PRKRA: variants seen among roughly 807,000 people sequenced by gnomAD.
PRKRA encodes the protein interferon-inducible double-stranded RNA-dependent protein kinase activator A.
In PRKRA, 22 loss-of-function variants were observed where a neutral mutation model predicts 32.4. That is an observed-to-expected ratio of 0.68 (90% CI 0.49 to 0.97). The LOEUF is 0.97. Ranked by LOEUF, PRKRA falls within the 50% of genes least tolerant of loss-of-function variation. PRKRA has a pLI of 0.00. For synonymous variants in PRKRA, 139 were observed against 129.8 expected, an observed-to-expected ratio of 1.07 and a Z score of -0.48; for missense variants, 319 against 375.6, an observed-to-expected ratio of 0.85 and a Z score of 1.25.
chr2:178,433,760 TTACAGG>T (rs1696767785), intron 7 of PRKRA: 1 of 152,174 alleles, frequency 6.6e-6, no homozygotes, highest in African/African-American at 2.4e-5. Context: ...AGGGGTGGGA[TTACAGG>T]TGTGAGCCAC....
Position 178,432,233 on chromosome 2 carries a change from T to G in PRKRA, c.806A>C (p.Gln269Pro), listed in dbSNP as rs368201837. Residue 269 changes from glutamine to proline, a missense_variant, in exon 8 of 8, where the codon CAA becomes CCA. Gln to Pro is a moderately conservative substitution (Grantham distance 76). Coordinates refer to ENST00000325748, the MANE Select transcript of PRKRA (RefSeq NM_003690.5). Reference protein sequence around the residue: ...LDIDELSANGQYQCLAELSTS... With the variant: ...LDIDELSANGPYQCLAELSTS... Reference sequence around the variant, plus strand: ...GGACAGTTCAGCAAGACATTGATATTGTCCATTGGCGCTCAGTTCATCTGT... The same window carrying G: ...GGACAGTTCAGCAAGACATTGATATGGTCCATTGGCGCTCAGTTCATCTGT... 6.2e-7 allele frequency: 1 copy of G among 1,614,248 alleles called. No individual in the cohort carries two copies. Among genetic ancestry groups the G allele is most frequent in the Non-Finnish European group, 8.5e-7 (1 of 1,180,048 alleles).
chr2:178,447,910 G>A (rs72953357), intron 2 of PRKRA, among the ~76,000 whole-genome samples: 8,880 of 152,212 alleles, frequency 0.058, 338 homozygotes, highest in Non-Finnish European at 0.083. Flanking sequence ...AAAGTAGACC[G>A]TGTCACACCT....
intron 3 of PRKRA, among the ~76,000 whole-genome samples, chr2:178,446,102 C>T (rs1697305069): frequency 6.6e-6 from 1 of 152,024 alleles, no homozygotes; most frequent in South Asian, 2.1e-4. Flanking sequence ...GCAATCTCCG[C>T]CTCCCGGGTT....
At chr2:178,438,267 TC>T (rs1696981746) in intron 6 of PRKRA, among the ~76,000 whole-genome samples, 1 of 152,226 alleles carries the variant, frequency 6.6e-6, no homozygotes, top group Non-Finnish European at 1.5e-5. Flanking sequence ...AAATCTTTGA[TC>T]CATCTGAAAT....
In PRKRA at chr2:178,444,626, T is replaced by C. The variant is rs1403962922; in HGVS notation, c.318-126A>G. 4 of 768,386 alleles carry C rather than the reference T, an allele frequency of 5.2e-6. No homozygotes were observed. The East Asian group carries it at 1.1e-4, about 21-fold the overall frequency. 47.6% of individuals were successfully genotyped at this position (768,386 alleles called of 1,614,324 possible). A position where few individuals can be genotyped will look rare whatever the true frequency, so the allele number is the denominator to read the frequency against. ...GTCATTCCTTCTACATGGAATGCCCTTTTCTCAGACCTCTTCTATGGGAAT... is the reference window on the plus strand; with the variant it reads ...GTCATTCCTTCTACATGGAATGCCCCTTTCTCAGACCTCTTCTATGGGAAT... On this transcript the variant is annotated intron_variant, in intron 3 of 7. Transcript: ENST00000325748.
At chr2:178,450,807 C>G (rs1491000701) in intron 1 of PRKRA, 159 bp downstream of exon 1, 7 of 1,345,142 alleles carry the variant, frequency 5.2e-6, no homozygotes, top group Non-Finnish European at 5.7e-6. Context: ...AGACCCCAAC[C>G]CTCGCCGCCG....
At chr2:178,446,414 T>C (rs1697314434) in intron 3 of PRKRA, among the ~76,000 whole-genome samples, 1 of 152,224 alleles carries the variant, frequency 6.6e-6, no homozygotes, top group South Asian at 2.1e-4. Flanking sequence ...AGGGTTGCCA[T>C]GTCACTGGTT....
intron 7 of PRKRA, among the ~76,000 whole-genome samples, chr2:178,435,658 A>C (rs1179787710): frequency 6.6e-6 from 1 of 152,216 alleles, no homozygotes; most frequent in Non-Finnish European, 1.5e-5. Context: ...CTTGTGCTAG[A>C]AATGTAGGTG....
At chr2:178,441,999 C>T (rs994490842) in intron 5 of PRKRA, among the ~76,000 whole-genome samples, 10 of 151,410 alleles carry the variant, frequency 6.6e-5, no homozygotes, top group Non-Finnish European at 1.2e-4. Context: ...AATTCTCCTG[C>T]TTCAGCCTCC....
Position 178,450,948 on chromosome 2 carries a change from G to C in PRKRA, c.65+18C>G, listed in dbSNP as rs755605355. On this transcript the variant is annotated intron_variant, in intron 1 of 7. Coordinates refer to ENST00000325748, the MANE Select transcript of PRKRA (RefSeq NM_003690.5). ...CCAACGCTCCCGGCCCTGGGGCCCT[G>C]ACTGCCCGCACGCTGACCTGAAGGT... The C allele has an allele frequency of 1.3e-6, 2 of 1,556,460 alleles. No homozygotes were observed. The highest frequency in any genetic ancestry group is 2.8e-5 in the African/African-American group (2 of 71,114).
At chr2:178,445,222 G>A (rs1697272027) in intron 3 of PRKRA, among the ~76,000 whole-genome samples, 1 of 152,176 alleles carries the variant, frequency 6.6e-6, no homozygotes, top group East Asian at 1.9e-4. Flanking sequence ...CCTCTTCTAG[G>A]GAGTCTGGAA....
At chr2:178,434,665 A>G (rs1249091815) in intron 7 of PRKRA, among the ~76,000 whole-genome samples, 1 of 151,928 alleles carries the variant, frequency 6.6e-6, no homozygotes, top group Non-Finnish European at 1.5e-5. Flanking sequence ...TACTGAGACA[A>G]TGCACTTCAC....
At chr2:178,450,081 A>G in intron 2 of PRKRA, 161 bp downstream of exon 2, 1 of 911,340 alleles carries the variant, frequency 1.1e-6, no homozygotes, top group South Asian at 1.4e-5. Flanking sequence ...AGAGAATCAG[A>G]TGCAGCTGAA....
In PRKRA at chr2:178,432,226, T is replaced by C. The variant is rs761233938; in HGVS notation, c.813A>G (p.Gln271=). Residue 271 remains glutamine, a synonymous_variant, in exon 8 of 8, where the codon CAA becomes CAG. Transcript: ENST00000325748. The part of the protein sequence containing the change: ...IDELSANGQY[Q]CLAELSTSPI... ...GGCTGGTGGACAGTTCAGCAAGACA[T>C]TGATATTGTCCATTGGCGCTCAGTT... 5.0e-6 allele frequency: 8 copies of C among 1,614,120 alleles called. No individual in the cohort carries two copies. The highest frequency in any genetic ancestry group is 1.1e-5 in the South Asian group (1 of 91,094).
chr2:178,435,744 C>T (rs879826377), intron 7 of PRKRA, among the ~76,000 whole-genome samples: 8 of 152,178 alleles, frequency 5.3e-5, no homozygotes, highest in Admixed American at 2.0e-4. Flanking sequence ...CTTGCTCTAC[C>T]GCTGACTAGC....
intron 6 of PRKRA, chr2:178,440,370 TACC>T (rs1474153946): frequency 1.3e-5 from 2 of 152,212 alleles, no homozygotes; most frequent in Non-Finnish European, 2.9e-5. Flanking sequence ...TCAGATAATG[TACC>T]ACATGACACA....
chr2:178,447,716 C>CTAT (rs74656969), intron 2 of PRKRA, 130 bp from the exon 3 acceptor site: 6 of 927,254 alleles, frequency 6.5e-6, no homozygotes, highest in South Asian at 4.3e-5. Context: ...AAAATATGTA[C>CTAT]GTTATATACT....
intron 2 of PRKRA, chr2:178,450,038 C>T: frequency 1.4e-6 from 1 of 701,356 alleles, no homozygotes; most frequent in East Asian, 2.6e-5. Context: ...AGTTTCTAAG[C>T]TTCCTTGGTA....
In PRKRA at chr2:178,451,089, C is replaced by T. The variant is rs1033626511; in HGVS notation, c.-59G>A. 2.6e-6 allele frequency: 4 copies of T among 1,517,506 alleles called. No individual in the cohort carries two copies. Among genetic ancestry groups the T allele is most frequent in the East Asian group, 2.5e-5 (1 of 39,496 alleles). 94.0% of individuals were successfully genotyped at this position (1,517,506 alleles called of 1,614,324 possible). A position where few individuals can be genotyped will look rare whatever the true frequency, so the allele number is the denominator to read the frequency against. ...AGCGGTGCGGAGCGACGTGCTCGCTCCCCGGGTCGCTGGTCCCCGGGAGGA... is the reference window on the plus strand; with the variant it reads ...AGCGGTGCGGAGCGACGTGCTCGCTTCCCGGGTCGCTGGTCCCCGGGAGGA... On this transcript the variant is annotated 5_prime_UTR_variant, in exon 1 of 8. Coordinates refer to ENST00000325748, the MANE Select transcript of PRKRA (RefSeq NM_003690.5).
Sources: gnomAD v4.1 joint callset for allele counts (sites outside exome capture counted in the v4.1 genomes callset) on GRCh38, gnomAD v4.1.1 for gene constraint, MANE v1.5 for transcripts, NCBI Gene and HGNC (gene_info 2026-07-23, HGNC 2026-07-21) for gene names.